ZFX: variants seen among roughly 807,000 people sequenced by gnomAD.
ZFX encodes the protein zinc finger X-chromosomal protein.
For synonymous variants in ZFX, 196 were observed against 226.8 expected, an observed-to-expected ratio of 0.86 and a Z score of 1.22; for missense variants, 362 against 628.3, an observed-to-expected ratio of 0.58 and a Z score of 4.53.
upstream of ZFX, chrX:24,149,276 G>A (rs1268638032): frequency 9.1e-6 from 1 of 109,608 alleles, no homozygotes; most frequent in Non-Finnish European, 1.9e-5. Flanking sequence ...GGAGGCCCCC[G>A]GGGGGCGGCC....
chrX:24,191,140 T>A (rs1212146170), intron 5 of ZFX, among the ~76,000 whole-genome samples: 1 of 111,764 alleles, frequency 8.9e-6, no homozygotes, highest in African/African-American at 3.3e-5. Context: ...TATAAAGAAA[T>A]CAGTTATTGT....
At chrX:24,197,117 G>A (rs1003909710) in intron 5 of ZFX, among the ~76,000 whole-genome samples, 1 of 112,127 alleles carries the variant, frequency 8.9e-6, no homozygotes, top group East Asian at 2.8e-4. Flanking sequence ...AGAAAGTTCT[G>A]TTGGTTAGCA....
At chrX:24,195,355 ATTT>A (rs751175753) in intron 5 of ZFX, among the ~76,000 whole-genome samples, 1 of 83,976 alleles carries the variant, frequency 1.2e-5, no homozygotes, top group African/African-American at 4.4e-5. Context: ...CACCGTGCCA[ATTT>A]TTTTTTTTTT....
chrX:24,168,819 A>G (rs1229236536), intron 3 of ZFX, among the ~76,000 whole-genome samples: 1 of 109,812 alleles, frequency 9.1e-6, no homozygotes, highest in Non-Finnish European at 1.9e-5. Flanking sequence ...AGTCCCAGAA[A>G]TACCTTGAGG....
intron 5 of ZFX, 187 bp from the exon 6 acceptor site, chrX:24,207,139 A>AG (rs1334522476): frequency 5.1e-6 from 2 of 392,631 alleles, no homozygotes; most frequent in Non-Finnish European, 8.6e-6. Flanking sequence ...AGGCTGAGGC[A>AG]GGAGAATGGC....
At chrX:24,176,577 A>G (rs1935163502) in intron 4 of ZFX, among the ~76,000 whole-genome samples, 1 of 107,688 alleles carries the variant, frequency 9.3e-6, no homozygotes, top group Admixed American at 1.0e-4. Context: ...GATTACAGGC[A>G]TGCACCACTA....
At position 24,207,736 on chromosome X, in the gene ZFX, G is replaced by A. The variant is rs1307552180; in HGVS notation, c.821G>A (p.Ser274Asn). Reference sequence around the variant, plus strand: ...GGTGGAACTGTAGACATTGTGGAGAGTGAGCCTGAGAATGATCATGGAGTT... The same window carrying A: ...GGTGGAACTGTAGACATTGTGGAGAATGAGCCTGAGAATGATCATGGAGTT... ...DLGGTVDIVE[S>N]EPENDHGVEL... The change falls in exon 7 of 10, where the codon AGT becomes AAT. Residue 274 changes from serine (S) to asparagine (N), a missense_variant. Transcript: ENST00000304543. 5 of 1,211,597 alleles carry A rather than the reference G, an allele frequency of 4.1e-6. No homozygotes were observed. Among genetic ancestry groups the A allele is most frequent in the Non-Finnish European group, 5.6e-6 (5 of 895,373 alleles).
At chrX:24,152,007 CAG>C (rs1435934693) in intron 2 of ZFX, among the ~76,000 whole-genome samples, 1 of 111,768 alleles carries the variant, frequency 8.9e-6, no homozygotes, top group Admixed American at 9.5e-5. Flanking sequence ...ATCTTTTGCT[CAG>C]AGTTGTCAGA....
intron 5 of ZFX, among the ~76,000 whole-genome samples, chrX:24,198,201 T>G (rs1324028933): frequency 1.8e-5 from 2 of 111,539 alleles, no homozygotes; most frequent in African/African-American, 6.5e-5. Flanking sequence ...TTATAATATT[T>G]TTTCTTTTAT....
At chrX:24,165,108 C>T (rs893639265) in intron 3 of ZFX, among the ~76,000 whole-genome samples, 3 of 99,083 alleles carry the variant, frequency 3.0e-5, no homozygotes, top group African/African-American at 1.1e-4. Context: ...AATACAGTAT[C>T]AGAAAAATAT....
At chrX:24,167,276 T>C (rs1322564805) in intron 3 of ZFX, among the ~76,000 whole-genome samples, 3 of 111,791 alleles carry the variant, frequency 2.7e-5, no homozygotes, top group African/African-American at 9.7e-5. Context: ...TTCTCGCCTA[T>C]GGACTCATTC....
chrX:24,191,174 A>G (rs983371441), intron 5 of ZFX, among the ~76,000 whole-genome samples: 7 of 111,885 alleles, frequency 6.3e-5, no homozygotes, highest in African/African-American at 2.3e-4. Flanking sequence ...GACCTATTCA[A>G]CTATTTTTCA....
At chrX:24,156,275 C>T (rs970953612) in intron 3 of ZFX, among the ~76,000 whole-genome samples, 2 of 111,720 alleles carry the variant, frequency 1.8e-5, no homozygotes, top group Non-Finnish European at 3.8e-5. Context: ...TGTGGCTTGG[C>T]TTTTAGCTCT....
rs1235125684 is a variant in ZFX, at chrX:24,212,311, AGTT to A, written c.*939_*941del. 2.7e-5 allele frequency: 3 copies of A among 111,976 alleles called. No individual in the cohort carries two copies. The highest frequency in any genetic ancestry group is 6.5e-5 in the African/African-American group (2 of 30,670). The allele number at this position is 111,976 out of a possible 1,213,427, so 9.2% of individuals were successfully genotyped here. On this transcript the variant is annotated 3_prime_UTR_variant, in exon 10 of 10. Transcript: ENST00000304543. ...ATTTATACACACAACCCCAAGTAGT[AGTT>A]GTTTAAAATCTATAATGAAAAGTAT...
chrX:24,200,067 C>T lies in ZFX; in HGVS notation c.647-7259C>T, dbSNP rs188769951. On this transcript the variant is annotated intron_variant, in intron 5 of 9. Transcript: ENST00000304543. The stretch of plus-strand genomic sequence containing the variant: ...AGGGCCTTCAGAAAGAGGGGATGGG[C>T]GATAGGAAGGAACACAATGGTTTGT... 5.1e-3 allele frequency among the ~76,000 whole-genome samples: 558 copies of T among 110,397 alleles called. 2 individuals are homozygous for T. The highest frequency in any genetic ancestry group is 8.3e-3 in the Non-Finnish European group (439 of 52,870).
At chrX:24,185,264 C>T (rs1936014999) in intron 5 of ZFX, among the ~76,000 whole-genome samples, 1 of 111,436 alleles carries the variant, frequency 9.0e-6, no homozygotes, top group African/African-American at 3.3e-5. Flanking sequence ...CTTGCCCGGC[C>T]TCTACAGCCA....
At chrX:24,149,849 G>C (rs1281655173) in intron 1 of ZFX, 55 bp downstream of exon 1, 1 of 109,441 alleles carries the variant, frequency 9.1e-6, no homozygotes, top group Non-Finnish European at 1.9e-5. Flanking sequence ...CAGCGGCCTG[G>C]TCTCGGCCTG....
rs891248620 is a variant in ZFX, at chrX:24,213,025, G to A, written c.*1649G>A. On this transcript the variant is annotated 3_prime_UTR_variant, in exon 10 of 10. Transcript: ENST00000304543. ...TGGGTTCAAGCAATTATCTGCCTCA[G>A]CCTCTCGAGTAGCTGGGATTACAGG... The A allele has an allele frequency of 9.0e-6, 1 of 110,522 alleles. No individual in the cohort carries two copies. Among genetic ancestry groups the A allele is most frequent in the African/African-American group, 3.3e-5 (1 of 30,290 alleles). 9.1% of individuals were successfully genotyped at this position (110,522 alleles called of 1,213,427 possible).
chrX:24,161,843 G>A (rs1438814750), intron 3 of ZFX: 1 of 107,625 alleles, frequency 9.3e-6, no homozygotes, highest in Admixed American at 1.0e-4. Flanking sequence ...GGGATTACAG[G>A]TGTGCGCCCC....
Sources: allele counts gnomAD v4.1 joint callset (sites outside exome capture counted in the v4.1 genomes callset), GRCh38; gene constraint gnomAD v4.1.1; transcripts MANE v1.5; gene names NCBI Gene and HGNC (gene_info 2026-07-23, HGNC 2026-07-21).